The following WDR7 variants were observed in gnomAD, a reference collection of about 807,000 sequenced individuals.
WDR7 encodes WD repeat-containing protein 7.
Under a neutral mutation model 169.4 loss-of-function variants are expected in WDR7, and 46 were observed. The observed-to-expected ratio is 0.27, with a 90% confidence interval of 0.21 to 0.35. The LOEUF is 0.35. Among genes scored for constraint, WDR7 ranks in the 10% least tolerant of loss-of-function variants. WDR7 has a pLI of 1.00. For synonymous variants in WDR7, 612 were observed against 666.8 expected (o/e 0.92, Z 1.27); for missense variants, 1,534 against 1,859.3 (o/e 0.83, Z 3.22).
intron 20 of WDR7, among the ~76,000 whole-genome samples, chr18:56,868,913 A>C (rs1369491530): frequency 6.6e-6 from 1 of 152,158 alleles, no homozygotes; most frequent in African/African-American, 2.4e-5. Flanking sequence ...TGGGATTACT[A>C]AAATCTCAAT....
At chr18:56,798,606 C>G (rs1337673919) in intron 19 of WDR7, among the ~76,000 whole-genome samples, 1 of 152,134 alleles carries the variant, frequency 6.6e-6, no homozygotes, top group Admixed American at 6.5e-5. Flanking sequence ...AAGGAATAGT[C>G]TGTTTATGCT....
intron 13 of WDR7, among the ~76,000 whole-genome samples, chr18:56,722,758 AC>A (rs747327544): frequency 1.3e-5 from 2 of 151,542 alleles, no homozygotes; most frequent in Non-Finnish European, 2.9e-5. Context: ...TCCTCTCACA[AC>A]CCCTCCATGC....
At chr18:56,841,688 G>A (rs2045488951) in intron 20 of WDR7, among the ~76,000 whole-genome samples, 1 of 152,078 alleles carries the variant, frequency 6.6e-6, no homozygotes, top group Admixed American at 6.6e-5. Context: ...TTACCACACT[G>A]ATGTTTATGT....
chr18:56,914,851 A>G (rs2046603784), intron 21 of WDR7, among the ~76,000 whole-genome samples: 1 of 152,142 alleles, frequency 6.6e-6, no homozygotes, highest in Non-Finnish European at 1.5e-5. Flanking sequence ...AAAATACATT[A>G]TACCAAAAGC....
intron 26 of WDR7, among the ~76,000 whole-genome samples, chr18:57,006,062 T>C (rs2048054169): frequency 1.3e-5 from 2 of 152,244 alleles, no homozygotes; most frequent in Admixed American, 1.3e-4. Context: ...TTATATTAAA[T>C]GGAAAGCTTC....
intron 27 of WDR7, among the ~76,000 whole-genome samples, chr18:57,022,867 C>T (rs971966512): frequency 3.3e-5 from 5 of 152,210 alleles, no homozygotes; most frequent in African/African-American, 4.8e-5. Context: ...CTTTGCCAAG[C>T]GCACTCACAT....
chr18:56,898,854 A>G (rs77304418), intron 21 of WDR7, among the ~76,000 whole-genome samples: 1 of 152,084 alleles, frequency 6.6e-6, no homozygotes, highest in African/African-American at 2.4e-5. Flanking sequence ...TTCTACCAAT[A>G]CTAATTTTGA....
intron 21 of WDR7, among the ~76,000 whole-genome samples, chr18:56,920,325 G>A (rs560750571): frequency 1.3e-5 from 2 of 152,260 alleles, no homozygotes; most frequent in African/African-American, 4.8e-5. Flanking sequence ...GTTAAGCTCT[G>A]TCTTGATAGC....
In WDR7 at chr18:56,839,893, T is replaced by A. The variant is rs554381158; in HGVS notation, c.3304+23749T>A. On this transcript the variant is annotated intron_variant, in intron 20 of 27. Transcript: ENST00000254442. ...CTGGCCAAAATATTGAAACCTCGTC[T>A]CTACTAAAAATACAAAAAATTAGCT... Among the ~76,000 whole-genome samples, 34 of 152,176 alleles carry A rather than the reference T, an allele frequency of 2.2e-4. 1 individual carries two copies. In the South Asian group the frequency reaches 7.1e-3, roughly 32 times the overall value.
intron 14 of WDR7, among the ~76,000 whole-genome samples, chr18:56,737,867 G>A (rs960316208): frequency 1.3e-5 from 2 of 152,126 alleles, no homozygotes; most frequent in Non-Finnish European, 2.9e-5. Context: ...CTTATGATAT[G>A]TATGACCTTT....
chr18:56,979,657 G>A (rs543900373), intron 26 of WDR7, among the ~76,000 whole-genome samples: 1 of 152,282 alleles, frequency 6.6e-6, no homozygotes, highest in Non-Finnish European at 1.5e-5. Context: ...TTCTTTTGCT[G>A]CAGTATCCAT....
intron 12 of WDR7, among the ~76,000 whole-genome samples, chr18:56,705,598 T>C (rs941566654): frequency 6.6e-6 from 1 of 152,242 alleles, no homozygotes; most frequent in Admixed American, 6.5e-5. Flanking sequence ...GAACAATTGA[T>C]GTTTTCCTGA....
At chr18:56,894,026 A>C (rs942675126) in intron 21 of WDR7, among the ~76,000 whole-genome samples, 2 of 151,950 alleles carry the variant, frequency 1.3e-5, no homozygotes, top group Non-Finnish European at 2.9e-5. Flanking sequence ...CATTTTTTCC[A>C]GTTTCTTAGG....
intron 22 of WDR7, among the ~76,000 whole-genome samples, chr18:56,925,410 TTTTC>T (rs1233318156): frequency 2.0e-5 from 3 of 152,166 alleles, no homozygotes; most frequent in African/African-American, 7.2e-5. Context: ...ACACTTGTTT[TTTTC>T]TTTCTTTCTC....
chr18:56,846,759 C>T (rs2045574908), intron 20 of WDR7, among the ~76,000 whole-genome samples: 1 of 152,194 alleles, frequency 6.6e-6, no homozygotes, highest in Non-Finnish European at 1.5e-5. Context: ...ACCTGCTCCT[C>T]CTTCACCTTC....
chr18:56,970,211 G>A (rs187422055), intron 26 of WDR7, among the ~76,000 whole-genome samples: 1 of 149,536 alleles, frequency 6.7e-6, no homozygotes, highest in Admixed American at 6.7e-5. Flanking sequence ...TGTTGAAATT[G>A]CTTTCTTAGG....
chr18:57,003,863 TTTTG>T (rs746013906), intron 26 of WDR7, among the ~76,000 whole-genome samples: 16 of 152,098 alleles, frequency 1.1e-4, no homozygotes, highest in Admixed American at 2.6e-4. Context: ...CTGGAGGGCT[TTTTG>T]TTTGTTTGTT....
At chr18:56,794,327 T>TTTTTTTTTTTTTTTTTTTG (rs1491121428) in intron 19 of WDR7, among the ~76,000 whole-genome samples, 1 of 118,064 alleles carries the variant, frequency 8.5e-6, no homozygotes, top group South Asian at 3.1e-4. Flanking sequence ...TTTTTTTTTT[T>TTTTTTTTTTTTTTTTTTTG]GAGACAGAGT....
At chr18:56,901,763 A>C (rs944699541) in intron 21 of WDR7, among the ~76,000 whole-genome samples, 10 of 152,130 alleles carry the variant, frequency 6.6e-5, no homozygotes, top group Admixed American at 2.6e-4. Flanking sequence ...CCTCAGTCCC[A>C]GTGGTCATTA....
Sources: gnomAD v4.1 joint callset for allele counts (sites outside exome capture counted in the v4.1 genomes callset) on GRCh38, gnomAD v4.1.1 for gene constraint, MANE v1.5 for transcripts, NCBI Gene and HGNC (gene_info 2026-07-23, HGNC 2026-07-21) for gene names.